The following CDH12 variants were observed in gnomAD, a reference collection of about 807,000 sequenced individuals.
CDH12 encodes cadherin 12.
CDH12 carries 41 observed loss-of-function variants against 74.1 expected under a neutral mutation model. The ratio of observed to expected loss-of-function variants is 0.55; its 90% CI spans 0.43 to 0.72. CDH12 has a LOEUF of 0.72. Among genes scored for constraint, CDH12 ranks in the 30% least tolerant of loss-of-function variants. The pLI, the probability that CDH12 is intolerant of heterozygous loss-of-function variation, is 0.00. For synonymous variants in CDH12, 399 were observed against 355.0 expected, an observed-to-expected ratio of 1.12 and a Z score of -1.39; for missense variants, 945 against 977.2, an observed-to-expected ratio of 0.97 and a Z score of 0.44.
chr5:22,713,353 G>A (rs1026914445), intron 1 of CDH12, among the ~76,000 whole-genome samples: 2 of 151,692 alleles, frequency 1.3e-5, no homozygotes, highest in Non-Finnish European at 2.9e-5. Context: ...ATGTTGGCCA[G>A]GATGGTCTCA....
intron 3 of CDH12, among the ~76,000 whole-genome samples, chr5:22,306,520 C>G (rs1393401444): frequency 6.6e-6 from 1 of 152,090 alleles, no homozygotes; most frequent in Non-Finnish European, 1.5e-5. Flanking sequence ...TTCTGTGTAA[C>G]ATCAAGAAAT....
chr5:22,684,159 T>C (rs1448187386), intron 1 of CDH12, among the ~76,000 whole-genome samples: 2 of 149,218 alleles, frequency 1.3e-5, no homozygotes, highest in East Asian at 1.9e-4. Flanking sequence ...CTTTAAATCA[T>C]TTTTTTTCCT....
At chr5:22,097,291 A>T (rs1193745331) in intron 4 of CDH12, among the ~76,000 whole-genome samples, 1 of 152,088 alleles carries the variant, frequency 6.6e-6, no homozygotes, top group Non-Finnish European at 1.5e-5. Context: ...ACTCCTTCCC[A>T]GCTCTTCTCA....
At chr5:22,624,610 A>T (rs1738171531) in intron 1 of CDH12, among the ~76,000 whole-genome samples, 1 of 152,234 alleles carries the variant, frequency 6.6e-6, no homozygotes, top group Non-Finnish European at 1.5e-5. Context: ...CCACAACGAG[A>T]TACCATCTCA....
chr5:22,604,958 C>T (rs2126817517), intron 1 of CDH12, among the ~76,000 whole-genome samples: 1 of 152,322 alleles, frequency 6.6e-6, no homozygotes, highest in Middle Eastern at 3.4e-3. Context: ...TGCAATGAGA[C>T]TTCCCTCTCT....
intron 5 of CDH12, among the ~76,000 whole-genome samples, chr5:22,037,402 G>T (rs1247961903): frequency 6.6e-6 from 1 of 152,146 alleles, no homozygotes; most frequent in African/African-American, 2.4e-5. Flanking sequence ...GGCCACTCGT[G>T]GCTTTTAAGA....
chr5:22,809,835 A>T (rs1324922123), intron 1 of CDH12, among the ~76,000 whole-genome samples: 1 of 152,118 alleles, frequency 6.6e-6, no homozygotes, highest in African/African-American at 2.4e-5. Flanking sequence ...TATTTCTGTG[A>T]AATTATCAAT....
At chr5:22,057,999 T>TTCTATCTATCTATCTA (rs79909356) in intron 5 of CDH12, among the ~76,000 whole-genome samples, 28 of 149,372 alleles carry the variant, frequency 1.9e-4, no homozygotes, top group East Asian at 8.0e-4. Context: ...TTTCCTTGTA[T>TTCTATCTATCTATCTA]TCTATCTATC....
intron 4 of CDH12, among the ~76,000 whole-genome samples, chr5:22,099,388 C>T (rs556921985): frequency 6.6e-5 from 10 of 152,192 alleles, no homozygotes; most frequent in Non-Finnish European, 1.0e-4. Context: ...TCTCACCAAG[C>T]TCAGCCACCA....
At chr5:22,577,324 T>A (rs1739846823) in intron 1 of CDH12, among the ~76,000 whole-genome samples, 1 of 152,206 alleles carries the variant, frequency 6.6e-6, no homozygotes, top group South Asian at 2.1e-4. Flanking sequence ...AACGGATAAG[T>A]GAATATGACT....
intron 8 of CDH12, among the ~76,000 whole-genome samples, chr5:21,841,677 C>T (rs1202849617): frequency 1.3e-5 from 2 of 151,740 alleles, no homozygotes; most frequent in Non-Finnish European, 2.9e-5. Context: ...ACTATGCAGC[C>T]ATAAAAAATG....
At position 22,354,876 on chromosome 5, in the gene CDH12, G is replaced by T. The variant is rs145788852; in HGVS notation, c.-333+50381C>A. Among the ~76,000 whole-genome samples the T allele has an allele frequency of 9.8e-3, 1,492 of 152,232 alleles. 25 individuals carry two copies. Among genetic ancestry groups the T allele is most frequent in the African/African-American group, 0.033 (1,359 of 41,544 alleles). ...TATAATTTTCAAACAGTTGTCACTT[G>T]CATTTTTCCTTTCATCTTTATGCAG... On this transcript the variant is annotated intron_variant, in intron 3 of 14. Transcript: ENST00000382254.
At chr5:22,606,856 T>C (rs1737143140) in intron 1 of CDH12, among the ~76,000 whole-genome samples, 1 of 152,194 alleles carries the variant, frequency 6.6e-6, no homozygotes, top group African/African-American at 2.4e-5. Context: ...TGGGAATGTT[T>C]TGAACTTCCT....
At chr5:22,207,057 C>CA (rs1177658403) in intron 4 of CDH12, among the ~76,000 whole-genome samples, 2,061 of 139,468 alleles carry the variant, frequency 0.015, 47 homozygotes, top group African/African-American at 0.047. Flanking sequence ...ACTAAAAATA[C>CA]AAAAAAAAAA....
chr5:22,405,065 C>T (rs1191701818), intron 3 of CDH12, among the ~76,000 whole-genome samples, 192 bp downstream of exon 3: 2 of 152,008 alleles, frequency 1.3e-5, no homozygotes, highest in Non-Finnish European at 2.9e-5. Flanking sequence ...CAAAAATTAG[C>T]CAGGCGTGGT....
chr5:22,656,539 A>G (rs1038428977), intron 1 of CDH12, among the ~76,000 whole-genome samples: 2 of 152,202 alleles, frequency 1.3e-5, no homozygotes, highest in African/African-American at 4.8e-5. Flanking sequence ...AAATGTTAGG[A>G]AATATATGAG....
At chr5:21,831,925 A>C (rs1341101645) in intron 8 of CDH12, among the ~76,000 whole-genome samples, 1 of 152,044 alleles carries the variant, frequency 6.6e-6, no homozygotes, top group Non-Finnish European at 1.5e-5. Context: ...CAATATTTTA[A>C]TTTCTAAAAA....
intron 2 of CDH12, among the ~76,000 whole-genome samples, chr5:22,447,980 G>GA (rs1744889111): frequency 3.4e-5 from 1 of 29,262 alleles, no homozygotes. Flanking sequence ...CTTTCTACAA[G>GA]AAATTAAAAA....
intron 1 of CDH12, among the ~76,000 whole-genome samples, chr5:22,514,612 G>C (rs1736733216): frequency 6.6e-6 from 1 of 152,150 alleles, no homozygotes; most frequent in Non-Finnish European, 1.5e-5. Flanking sequence ...AGGATGTATG[G>C]CCTGGCAGGC....
Sources: gnomAD v4.1 joint callset for allele counts (sites outside exome capture counted in the v4.1 genomes callset) on GRCh38, gnomAD v4.1.1 for gene constraint, MANE v1.5 for transcripts, NCBI Gene and HGNC (gene_info 2026-07-23, HGNC 2026-07-21) for gene names.